Variants in SGCD observed in about 807,000 individuals in gnomAD.
SGCD encodes sarcoglycan delta.
A neutral mutation model predicts 36.6 loss-of-function variants in SGCD; 18 were observed. The ratio of observed to expected loss-of-function variants is 0.49; its 90% CI spans 0.34 to 0.73. The LOEUF is 0.73. Ranked by LOEUF, SGCD falls within the 30% of genes least tolerant of loss-of-function variation. The probability of loss-of-function intolerance (pLI) is 0.01; values close to 1 mark genes in which losing one functional copy is unlikely to be tolerated. For missense variants in SGCD, 387 were observed against 346.7 expected, an observed-to-expected ratio of 1.12 and a Z score of -0.92; for synonymous variants, 133 against 130.6, an observed-to-expected ratio of 1.02 and a Z score of -0.12.
At chr5:156,645,110 G>T (rs926825566) in intron 6 of SGCD, among the ~76,000 whole-genome samples, 8 of 152,018 alleles carry the variant, frequency 5.3e-5, no homozygotes, top group Admixed American at 5.3e-4. Flanking sequence ...ACACATTGAT[G>T]AAATCATTTT....
intron 3 of SGCD, among the ~76,000 whole-genome samples, chr5:156,383,423 G>T (rs2135026): frequency 0.28 from 42,959 of 151,932 alleles, 7,633 homozygotes; most frequent in Non-Finnish European, 0.4. Flanking sequence ...AGAATCACTC[G>T]AACCCAGTAG....
intron 1 of SGCD, among the ~76,000 whole-genome samples, chr5:156,001,510 A>G (rs1220966410): frequency 1.3e-5 from 2 of 152,230 alleles, no homozygotes; most frequent in African/African-American, 2.4e-5. Context: ...TCTGAATAGC[A>G]TGTCTCTATC....
intron 1 of SGCD, among the ~76,000 whole-genome samples, chr5:155,892,936 T>C (rs1756170887): frequency 6.6e-6 from 1 of 152,096 alleles, no homozygotes; most frequent in South Asian, 2.1e-4. Context: ...AGCAGAGTAG[T>C]GGTTACCAGC....
chr5:156,468,236 G>A (rs112190759), intron 3 of SGCD, among the ~76,000 whole-genome samples: 7,192 of 151,486 alleles, frequency 0.047, 544 homozygotes, highest in African/African-American at 0.16. Context: ...AGCTACTTGG[G>A]AGGCTAAGGT....
intron 1 of SGCD, among the ~76,000 whole-genome samples, chr5:155,882,760 A>G (rs1389998576): frequency 6.6e-6 from 1 of 152,198 alleles, no homozygotes. Context: ...TTCTAGATGA[A>G]GGGCAGTAGG....
intron 1 of SGCD, among the ~76,000 whole-genome samples, chr5:156,097,505 T>C (rs1761409840): frequency 1.3e-5 from 2 of 152,198 alleles, no homozygotes; most frequent in African/African-American, 4.8e-5. Context: ...TGTTCAGCTA[T>C]TGAGTCCATT....
intron 7 of SGCD, among the ~76,000 whole-genome samples, chr5:156,688,832 G>A (rs575742818): frequency 1.3e-5 from 2 of 152,224 alleles, no homozygotes; most frequent in Admixed American, 1.3e-4. Context: ...ACCTACCAGG[G>A]CTATCATATC....
the SGCD span, among the ~76,000 whole-genome samples, chr5:155,769,665 T>C: frequency 7.3e-4 from 111 of 152,344 alleles, no homozygotes; most frequent in African/African-American, 2.6e-3. Flanking sequence ...CTTATTTACT[T>C]GCATTCTACA....
intron 3 of SGCD, among the ~76,000 whole-genome samples, chr5:156,163,057 C>T (rs1222270422): frequency 6.6e-6 from 1 of 151,566 alleles, no homozygotes. Context: ...TACATCTTTT[C>T]TTTCTTAAGG....
the SGCD span, among the ~76,000 whole-genome samples, chr5:155,862,881 C>G: frequency 6.6e-6 from 1 of 152,132 alleles, no homozygotes; most frequent in Non-Finnish European, 1.5e-5. Context: ...CTGGTTTCAG[C>G]CATTTATTAA....
chr5:156,004,346 A>G (rs968295499), intron 1 of SGCD, among the ~76,000 whole-genome samples: 1 of 152,210 alleles, frequency 6.6e-6, no homozygotes, highest in Non-Finnish European at 1.5e-5. Context: ...TTGTAGAAAT[A>G]ATAATACTGC....
chr5:156,088,981 A>T (rs563666523), intron 1 of SGCD, among the ~76,000 whole-genome samples: 1 of 152,104 alleles, frequency 6.6e-6, no homozygotes, highest in African/African-American at 2.4e-5. Flanking sequence ...TTTTTCAGCC[A>T]GTTGTTGATT....
intron 3 of SGCD, among the ~76,000 whole-genome samples, chr5:156,406,815 TATATACACACACACAC>T (rs1772448679): frequency 9.0e-6 from 1 of 110,972 alleles, no homozygotes; most frequent in African/African-American, 3.9e-5. Flanking sequence ...TATATATATA[TATATACACACACACAC>T]ACACACACAC....
At chr5:156,694,110 G>A (rs1358572488) in intron 7 of SGCD, among the ~76,000 whole-genome samples, 1 of 152,170 alleles carries the variant, frequency 6.6e-6, no homozygotes, top group Non-Finnish European at 1.5e-5. Flanking sequence ...AGGTTCTATG[G>A]TTGTCTGGTA....
In SGCD at chr5:156,500,915, T is replaced by C. The variant is rs1581084243; in HGVS notation, c.193-7686T>C. On this transcript the variant is annotated intron_variant, in intron 3 of 8. Coordinates refer to ENST00000337851, the MANE Select transcript of SGCD (RefSeq NM_000337.6). ...AGGAAGTCCACGTCACTCAGAATTT[T>C]GCAGACATCCTGGTATCTTACCCTG... Among the ~76,000 whole-genome samples, 3 of 152,308 alleles carry C rather than the reference T, an allele frequency of 2.0e-5. 1 individual carries two copies. Among genetic ancestry groups the C allele is most frequent in the Admixed American group, 1.3e-4 (2 of 15,304 alleles).
chr5:155,808,932 A>G, the SGCD span, among the ~76,000 whole-genome samples: 6 of 152,246 alleles, frequency 3.9e-5, no homozygotes, highest in East Asian at 1.2e-3. Flanking sequence ...TCTGAAACCT[A>G]TACTTCTAGG....
At chr5:156,739,091 A>G (rs749931165) in intron 7 of SGCD, among the ~76,000 whole-genome samples, 8 of 152,238 alleles carry the variant, frequency 5.3e-5, no homozygotes, top group African/African-American at 9.6e-5. Context: ...CTAAAAGGTA[A>G]CATAACAAAA....
At chr5:155,931,281 T>C (rs114467740) in intron 1 of SGCD, among the ~76,000 whole-genome samples, 3,835 of 152,254 alleles carry the variant, frequency 0.025, 78 homozygotes, top group South Asian at 0.039. Flanking sequence ...CTGAGTTCCA[T>C]TGGGGGTTAT....
chr5:156,327,330 CAT>C (rs571378520), intron 1 of SGCD, 98 bp downstream of exon 1: 74 of 152,438 alleles, frequency 4.9e-4, no homozygotes, highest in African/African-American at 1.6e-3. Context: ...TTAGTGTGTG[CAT>C]GTGTGTGTGT....
Sources: allele counts gnomAD v4.1 joint callset (sites outside exome capture counted in the v4.1 genomes callset), GRCh38; gene constraint gnomAD v4.1.1; transcripts MANE v1.5; gene names NCBI Gene and HGNC (gene_info 2026-07-23, HGNC 2026-07-21).